Variants in GNAQ observed in about 807,000 individuals in gnomAD.
GNAQ encodes G protein subunit alpha q.
GNAQ carries 8 observed loss-of-function variants against 43.9 expected under a neutral mutation model. That is an observed-to-expected ratio of 0.18 (90% CI 0.11 to 0.33). GNAQ has a LOEUF of 0.33. GNAQ is among the 10% of genes least tolerant of loss of function. The pLI is 1.00. For missense variants in GNAQ, 158 were observed against 450.8 expected (o/e 0.35, Z 5.88); for synonymous variants, 155 against 170.7 (o/e 0.91, Z 0.71).
chr9:77,779,652 C>T (rs1826357610), intron 5 of GNAQ, among the ~76,000 whole-genome samples: 1 of 138,944 alleles, frequency 7.2e-6, no homozygotes, highest in Admixed American at 7.3e-5. Context: ...ACAAATACGC[C>T]TTTAGCCAGG....
intron 1 of GNAQ, among the ~76,000 whole-genome samples, chr9:78,016,993 G>A (rs557712453): frequency 3.9e-5 from 6 of 152,058 alleles, no homozygotes; most frequent in South Asian, 2.1e-4. Context: ...GGACCAAAAC[G>A]GCTGATAATC....
chr9:77,944,210 A>G (rs1829354978), intron 1 of GNAQ, among the ~76,000 whole-genome samples: 1 of 151,994 alleles, frequency 6.6e-6, no homozygotes, highest in Non-Finnish European at 1.5e-5. Flanking sequence ...TCTTTTCAGT[A>G]TTTCAAAAAT....
chr9:77,788,345 CAT>C (rs1320466694), intron 5 of GNAQ, among the ~76,000 whole-genome samples: 4 of 151,854 alleles, frequency 2.6e-5, no homozygotes, highest in African/African-American at 7.3e-5. Flanking sequence ...GAAACAGAGT[CAT>C]GTGTAGCAAC....
At chr9:78,030,989 G>A in intron 1 of GNAQ, 111 bp downstream of exon 1, 3 of 772,688 alleles carry the variant, frequency 3.9e-6, no homozygotes, top group Non-Finnish European at 5.3e-6. Flanking sequence ...GGGAGGGTAG[G>A]GGCGAACCGC....
At chr9:77,802,791 T>TAA (rs939187966) in intron 3 of GNAQ, among the ~76,000 whole-genome samples, 14 of 152,180 alleles carry the variant, frequency 9.2e-5, no homozygotes, top group Non-Finnish European at 1.8e-4. Flanking sequence ...TAAGGCTTGT[T>TAA]AAGTGTCTAG....
At chr9:77,809,058 T>C (rs187361356) in intron 3 of GNAQ, among the ~76,000 whole-genome samples, 16 of 152,308 alleles carry the variant, frequency 1.1e-4, no homozygotes, top group Admixed American at 2.0e-4. Flanking sequence ...ATCTCTGAAA[T>C]GCCTTTTGTT....
chr9:77,770,160 G>A (rs891201778), intron 5 of GNAQ, among the ~76,000 whole-genome samples: 1 of 152,118 alleles, frequency 6.6e-6, no homozygotes, highest in Non-Finnish European at 1.5e-5. Context: ...GAATTTCAGG[G>A]TTTCGAGGGT....
intron 1 of GNAQ, among the ~76,000 whole-genome samples, chr9:78,005,476 A>G (rs1036145470): frequency 2.6e-5 from 4 of 152,196 alleles, no homozygotes; most frequent in Non-Finnish European, 4.4e-5. Context: ...TCATGTGAAG[A>G]AGGAGGCCCA....
intron 1 of GNAQ, among the ~76,000 whole-genome samples, chr9:78,014,941 T>C (rs1017029071): frequency 1.3e-5 from 2 of 152,180 alleles, no homozygotes; most frequent in Non-Finnish European, 2.9e-5. Context: ...GTTATCATAA[T>C]GCAACACATT....
At chr9:77,939,683 G>A (rs1829287175) in intron 1 of GNAQ, among the ~76,000 whole-genome samples, 1 of 152,136 alleles carries the variant, frequency 6.6e-6, no homozygotes, top group African/African-American at 2.4e-5. Flanking sequence ...ACTCATTCTG[G>A]AATTTTGATT....
chr9:78,020,263 C>G (rs1447267339), intron 1 of GNAQ, among the ~76,000 whole-genome samples: 3 of 152,086 alleles, frequency 2.0e-5, no homozygotes, highest in Non-Finnish European at 4.4e-5. Flanking sequence ...TAACACATCA[C>G]AGGATTAGCA....
At chr9:77,804,598 A>G (rs114875228) in intron 3 of GNAQ, among the ~76,000 whole-genome samples, 346 of 152,338 alleles carry the variant, frequency 2.3e-3, no homozygotes, top group African/African-American at 8.1e-3. Context: ...ATAGTTAAGT[A>G]GGAACAGAAA....
intron 6 of GNAQ, 144 bp from the exon 7 acceptor site, chr9:77,721,657 A>C: frequency 1.7e-6 from 1 of 599,754 alleles, no homozygotes; most frequent in Non-Finnish European, 2.9e-6. Context: ...ATTTTCCCTA[A>C]CACTGCTATG....
chr9:77,874,458 T>C (rs1828098632), intron 2 of GNAQ, among the ~76,000 whole-genome samples: 1 of 152,146 alleles, frequency 6.6e-6, no homozygotes, highest in South Asian at 2.1e-4. Flanking sequence ...AATTTGCAGA[T>C]ACAATTAGAT....
chr9:77,857,637 C>T (rs983337221), intron 2 of GNAQ, among the ~76,000 whole-genome samples: 3 of 101,784 alleles, frequency 2.9e-5, no homozygotes, highest in African/African-American at 4.0e-5. Context: ...AAAGGAAGGA[C>T]GGAAAGGGGG....
At chr9:78,019,072 T>A (rs1823873103) in intron 1 of GNAQ, among the ~76,000 whole-genome samples, 1 of 152,190 alleles carries the variant, frequency 6.6e-6, no homozygotes. Context: ...AAAATATACT[T>A]TGAATCAGGA....
intron 2 of GNAQ, among the ~76,000 whole-genome samples, chr9:77,874,109 A>AAAAAAAAAAAC (rs1454601850): frequency 0.038 from 5,642 of 147,792 alleles, 329 homozygotes; most frequent in East Asian, 0.16. Flanking sequence ...CATCTCAAAA[A>AAAAAAAAAAAC]AAAAAAACAA....
At chr9:78,014,948 C>T (rs899878229) in intron 1 of GNAQ, among the ~76,000 whole-genome samples, 1 of 152,140 alleles carries the variant, frequency 6.6e-6, no homozygotes, top group African/African-American at 2.4e-5. Context: ...TAATGCAACA[C>T]ATTAGTCACA....
At chr9:77,742,878 T>C (rs556930485) in intron 5 of GNAQ, among the ~76,000 whole-genome samples, 3 of 152,158 alleles carry the variant, frequency 2.0e-5, no homozygotes, top group South Asian at 2.1e-4. Flanking sequence ...AGTGATTCTG[T>C]TGGGAAAAAA....
Sources: allele counts gnomAD v4.1 joint callset (sites outside exome capture counted in the v4.1 genomes callset), GRCh38; gene constraint gnomAD v4.1.1; transcripts MANE v1.5; gene names NCBI Gene and HGNC (gene_info 2026-07-23, HGNC 2026-07-21).